Variants in DPF1 observed in about 807,000 individuals in gnomAD.
DPF1 encodes double PHD fingers 1.
DPF1 carries 14 observed loss-of-function variants against 58.7 expected under a neutral mutation model. That is an observed-to-expected ratio of 0.24 (90% CI 0.16 to 0.37). The LOEUF (loss-of-function observed/expected upper bound fraction) is 0.37. Among genes scored for constraint, DPF1 ranks in the 10% least tolerant of loss-of-function variants. The probability of loss-of-function intolerance (pLI) is 1.00; values close to 1 mark genes in which losing one functional copy is unlikely to be tolerated. For synonymous variants in DPF1, 216 were observed against 216.0 expected (o/e 1.00, Z 0.00); for missense variants, 345 against 529.9 (o/e 0.65, Z 3.43).
rs142392815 is a variant in DPF1, at chr19:38,222,100, AAAATAAAT to A, written c.298+249_298+256del. ...CCAGCCTGGGTGAAACTCTGTCTCA[AAAATAAAT>A]AAATAAATAAATAAATAAATAAATA... On this transcript the variant is annotated intron_variant, in intron 3 of 11. Transcript: ENST00000355526. This position sits in a 1 kb window ranked among gnomAD's most constrained non-coding sequence, Gnocchi z 4.9. Among the ~76,000 whole-genome samples, 27 of 148,200 alleles carry A rather than the reference AAAATAAAT, an allele frequency of 1.8e-4. No homozygotes were observed. The highest frequency in any genetic ancestry group is 5.9e-4 in the East Asian group (3 of 5,054).
At chr19:38,217,362 C>T (rs1967098014) in intron 7 of DPF1, 98 bp downstream of exon 7, 1 of 1,426,978 alleles carries the variant, frequency 7.0e-7, no homozygotes, top group Non-Finnish European at 9.3e-7. Context: ...TGGAGATTTT[C>T]CAGAAATGTC....
Position 38,222,340 on chromosome 19 carries a change from C to G in DPF1, c.298+17G>C. 1 of 1,583,934 alleles carries G rather than the reference C, an allele frequency of 6.3e-7. No individual in the cohort carries two copies. The highest frequency in any genetic ancestry group is 1.7e-4 in the Middle Eastern group (1 of 5,960). On this transcript the variant is annotated intron_variant, in intron 3 of 11. Coordinates refer to ENST00000355526, the MANE Select transcript of DPF1 (RefSeq NM_001135155.3). The surrounding 1 kb of genome is among the most constrained non-coding windows in gnomAD (Gnocchi z 4.9). ...AGGCGCTGGGACACCGATGGGGGCCCCAGCGGCTGCACCCACCGATCTTGT... is the reference window on the plus strand; with the variant it reads ...AGGCGCTGGGACACCGATGGGGGCCGCAGCGGCTGCACCCACCGATCTTGT...
chr19:38,222,778 C>T lies in DPF1; in HGVS notation c.30-70G>A. ...CGCACAGGGTCGCCCAGCACCCCTT[C>T]CCCGGCTGCCGGGCCGCCCAGGCTC... On this transcript the variant is annotated intron_variant, in intron 1 of 11. Coordinates refer to ENST00000355526, the MANE Select transcript of DPF1 (RefSeq NM_001135155.3). This position sits in a 1 kb window ranked among gnomAD's most constrained non-coding sequence, Gnocchi z 4.9. The T allele has an allele frequency of 6.3e-6, 9 of 1,435,834 alleles. No individual in the cohort carries two copies. Among genetic ancestry groups the T allele is most frequent in the East Asian group, 2.8e-5 (1 of 35,286 alleles). The allele number at this position is 1,435,834 out of a possible 1,614,324, so 88.9% of individuals were successfully genotyped here.
upstream of DPF1, chr19:38,224,259 C>T (rs1466307488): frequency 6.3e-6 from 8 of 1,261,306 alleles, no homozygotes; most frequent in Non-Finnish European, 8.0e-6. This position sits in a 1 kb window ranked among gnomAD's most constrained non-coding sequence, Gnocchi z 4.5. Context: ...ACGAGGGCCA[C>T]GGCCAATCGC....
intron 7 of DPF1, 198 bp from the exon 8 acceptor site, chr19:38,216,601 A>G (rs1967039786): frequency 1.9e-6 from 1 of 539,932 alleles, no homozygotes. Context: ...TTTTTTTTTC[A>G]ATTAAAAATA....
chr19:38,220,392 C>A (rs1461691292), intron 3 of DPF1, among the ~76,000 whole-genome samples: 1 of 151,914 alleles, frequency 6.6e-6, no homozygotes, highest in Non-Finnish European at 1.5e-5. Context: ...GAGGCCGAGG[C>A]GGGCAGATCA....
At position 38,212,139 on chromosome 19, in the gene DPF1, G is replaced by C; in HGVS notation, c.1094-6C>G. 1 of 1,608,014 alleles carries C rather than the reference G, an allele frequency of 6.2e-7. No homozygotes were observed. Among genetic ancestry groups the C allele is most frequent in the Non-Finnish European group, 8.5e-7 (1 of 1,178,398 alleles). ...GAGGTGACAGCTCCAGCTCCCTGCG[G>C]GGGCAGCCGAAGCTGAAGTCAGGCC... is the stretch of plus-strand genomic sequence containing the variant. On this transcript the variant is annotated splice_region_variant and splice_polypyrimidine_tract_variant and intron_variant, in intron 11 of 11. Transcript: ENST00000355526.
At chr19:38,225,574 G>GCAAACAAA (rs113225836), upstream of DPF1, among the ~76,000 whole-genome samples, 518 of 148,590 alleles carry the variant, frequency 3.5e-3, 2 homozygotes, top group East Asian at 0.011. Flanking sequence ...GTCTCTAAAA[G>GCAAACAAA]CAAACAAACA....
At chr19:38,221,781 C>T (rs984181492) in intron 3 of DPF1, among the ~76,000 whole-genome samples, 2 of 151,988 alleles carry the variant, frequency 1.3e-5, no homozygotes, top group Non-Finnish European at 2.9e-5. Context: ...AACACCCTGC[C>T]TCTATTTAAA....
Position 38,222,532 on chromosome 19 carries a change from G to A in DPF1, c.190+16C>T. 1 of 1,605,300 alleles carries A rather than the reference G, an allele frequency of 6.2e-7. No homozygotes were observed. Among genetic ancestry groups the A allele is most frequent in the Admixed American group, 1.7e-5 (1 of 59,046 alleles). ...CCTGGCCCCGCCCCGCCCTGCGCCA[G>A]CCCTCCCGGCGGTACCCGGCCCGCG... On this transcript the variant is annotated intron_variant, in intron 2 of 11. Transcript: ENST00000355526. This position sits in a 1 kb window ranked among gnomAD's most constrained non-coding sequence, Gnocchi z 4.9.
At position 38,218,915 on chromosome 19, in the gene DPF1, C is replaced by T. The variant is rs1164091181; in HGVS notation, c.426+16G>A. 10 of 1,613,656 alleles carry T rather than the reference C, an allele frequency of 6.2e-6. No individual in the cohort carries two copies. Among genetic ancestry groups the T allele is most frequent in the Non-Finnish European group, 8.5e-6 (10 of 1,179,848 alleles). On this transcript the variant is annotated intron_variant, in intron 4 of 11. Coordinates refer to ENST00000355526, the MANE Select transcript of DPF1 (RefSeq NM_001135155.3). ...GACGAAGCCATGCAGCGGGGGTCCC[C>T]CAGAGGTGGGCCCACCTGACAGTCC...
intron 11 of DPF1, 42 bp downstream of exon 11, chr19:38,212,238 T>TGGGGGGGCC: frequency 1.7e-6 from 1 of 585,182 alleles, no homozygotes; most frequent in Non-Finnish European, 3.0e-6. Context: ...GAGATGGCGT[T>TGGGGGGGCC]CCCACCCACC....
chr19:38,227,572 A>G (rs926787017), upstream of DPF1, among the ~76,000 whole-genome samples: 1 of 152,190 alleles, frequency 6.6e-6, no homozygotes, highest in South Asian at 2.1e-4. Flanking sequence ...GGCCCACAGT[A>G]GAAATCAATT....
At chr19:38,221,341 C>G (rs944019476) in intron 3 of DPF1, among the ~76,000 whole-genome samples, 1 of 152,068 alleles carries the variant, frequency 6.6e-6, no homozygotes, top group Non-Finnish European at 1.5e-5. Flanking sequence ...AGTTCGAGAC[C>G]AGCCTGGCCA....
At position 38,211,744 on chromosome 19, in the gene DPF1, G is replaced by A; in HGVS notation, c.*319C>T. The A allele has an allele frequency of 3.0e-6, 1 of 332,884 alleles. No individual in the cohort carries two copies. Among genetic ancestry groups the A allele is most frequent in the East Asian group, 4.7e-5 (1 of 21,326 alleles). The allele number at this position is 332,884 out of a possible 1,614,324, so 20.6% of individuals were successfully genotyped here. A position where few individuals can be genotyped will look rare whatever the true frequency, so the allele number is the denominator to read the frequency against. On this transcript the variant is annotated 3_prime_UTR_variant, in exon 12 of 12. Transcript: ENST00000355526. The surrounding 1 kb of genome is among the most constrained non-coding windows in gnomAD (Gnocchi z 4.0). Reference sequence around the variant, plus strand: ...CTTTTTGTCTTTTTCTTTAGAAAAAGGCTCTGTCCATGCCCCTGGCTGGCA... The same window carrying A: ...CTTTTTGTCTTTTTCTTTAGAAAAAAGCTCTGTCCATGCCCCTGGCTGGCA...
Position 38,222,388 on chromosome 19 carries a change from G to A in DPF1, c.267C>T (p.Asp89=). 1 of 1,589,590 alleles carries A rather than the reference G, an allele frequency of 6.3e-7. No individual in the cohort carries two copies. Among genetic ancestry groups the A allele is most frequent in the Non-Finnish European group, 8.5e-7 (1 of 1,173,578 alleles). Residue 89 remains aspartate (D), a synonymous_variant, in exon 3 of 12, where the codon GAC becomes GAT. Transcript: ENST00000355526. The surrounding 1 kb of genome is among the most constrained non-coding windows in gnomAD (Gnocchi z 4.9). ...TGTACTCGCAGGGCCTGAGTCTGGG[G>A]TCCTCCAGGATGTTGAGTCTCCGTT... ...RKKRRLNILE[D]PRLRPCEYKI... is the part of the protein sequence containing the mutation.
intron 9 of DPF1, 55 bp downstream of exon 9, chr19:38,216,085 A>T (rs909633817): frequency 6.4e-7 from 1 of 1,561,302 alleles, no homozygotes. Flanking sequence ...CCAGGTCTGC[A>T]CTCCTGAATG....
intron 3 of DPF1, among the ~76,000 whole-genome samples, chr19:38,220,437 C>A (rs1432496707): frequency 6.6e-6 from 1 of 151,780 alleles, no homozygotes; most frequent in East Asian, 1.9e-4. Flanking sequence ...CTGGCTAACA[C>A]GGTGAAACCC....
rs1026536384 is a variant in DPF1, at chr19:38,218,852, G to C, written c.426+79C>G. The C allele has an allele frequency of 6.3e-6, 10 of 1,589,664 alleles. No individual in the cohort carries two copies. In the East Asian group the frequency reaches 1.1e-4, roughly 18 times the overall value. On this transcript the variant is annotated intron_variant, in intron 4 of 11. Transcript: ENST00000355526. ...AAGAAACCGGGGGGGTTTCAGAGCA[G>C]GAACGTGAGGGCCCGGGCTGGTGGC...
Sources: gnomAD v4.1 joint callset for allele counts (sites outside exome capture counted in the v4.1 genomes callset) on GRCh38, gnomAD v4.1.1 for gene constraint, Gnocchi (gnomAD v3.1) non-coding constraint, MANE v1.5 for transcripts, NCBI Gene and HGNC (gene_info 2026-07-23, HGNC 2026-07-21) for gene names.